The following SNX13 variants were observed in gnomAD, a reference collection of about 807,000 sequenced individuals.
SNX13 encodes sorting nexin 13.
A neutral mutation model predicts 133.6 loss-of-function variants in SNX13; 45 were observed. The ratio of observed to expected loss-of-function variants is 0.34; its 90% CI spans 0.27 to 0.43. The LOEUF is 0.43. Ranked by LOEUF, SNX13 falls within the 20% of genes least tolerant of loss-of-function variation. The probability of loss-of-function intolerance (pLI) is 1.00; values close to 1 mark genes in which losing one functional copy is unlikely to be tolerated. For synonymous variants in SNX13, 414 were observed against 373.9 expected, an observed-to-expected ratio of 1.11 and a Z score of -1.24; for missense variants, 1,032 against 1,145.1, an observed-to-expected ratio of 0.90 and a Z score of 1.43.
chr7:17,825,157 G>C (rs1787748906), intron 17 of SNX13, among the ~76,000 whole-genome samples: 1 of 152,108 alleles, frequency 6.6e-6, no homozygotes, highest in South Asian at 2.1e-4. Flanking sequence ...AAATCTGGCA[G>C]GCAACAAATG....
At chr7:17,880,725 T>G (rs1268170336) in intron 5 of SNX13, 2 of 152,246 alleles carry the variant, frequency 1.3e-5, no homozygotes, top group Non-Finnish European at 2.9e-5. Flanking sequence ...GAACTTTCAC[T>G]GCAATAGCAC....
intron 9 of SNX13, among the ~76,000 whole-genome samples, chr7:17,861,821 C>A (rs1480619314): frequency 6.6e-6 from 1 of 152,174 alleles, no homozygotes; most frequent in Non-Finnish European, 1.5e-5. Context: ...TTAAACAAGG[C>A]ACTTGACCTC....
chr7:17,803,332 G>A, intron 21 of SNX13, 87 bp downstream of exon 21: 2 of 1,241,522 alleles, frequency 1.6e-6, no homozygotes, highest in South Asian at 3.2e-5. Flanking sequence ...TAAGGTTAAG[G>A]GACTAAGGTA....
rs1215620142 is a variant in SNX13, at chr7:17,821,703, A to G, written c.1706-55T>C. On this transcript the variant is annotated intron_variant, in intron 17 of 25. Transcript: ENST00000428135. ...TATACTAATCATTTAAAACAAAATG[A>G]AGAGGAACGAAAGACACAAAAAAGG... 3.9e-6 allele frequency: 6 copies of G among 1,526,128 alleles called. No homozygotes were observed. In the African/African-American group the frequency reaches 7.0e-5, roughly 18 times the overall value. The allele number at this position is 1,526,128 out of a possible 1,614,324, so 94.5% of individuals were successfully genotyped here.
At chr7:17,902,395 T>C (rs1797934486) in intron 1 of SNX13, among the ~76,000 whole-genome samples, 1 of 152,154 alleles carries the variant, frequency 6.6e-6, no homozygotes. Flanking sequence ...ATTACAACAG[T>C]TAACTTCAAA....
intron 2 of SNX13, among the ~76,000 whole-genome samples, chr7:17,894,743 C>T (rs1381840002): frequency 6.6e-6 from 1 of 152,034 alleles, no homozygotes; most frequent in African/African-American, 2.4e-5. Flanking sequence ...AGTAATGTTA[C>T]AATGATTCAA....
intron 9 of SNX13, among the ~76,000 whole-genome samples, chr7:17,860,464 G>T (rs925060442): frequency 9.2e-5 from 14 of 152,030 alleles, no homozygotes; most frequent in Admixed American, 2.0e-4. Context: ...TTCCTTTGCT[G>T]GGCAGTTTTT....
At chr7:17,806,232 T>G (rs886766957) in intron 20 of SNX13, among the ~76,000 whole-genome samples, 2 of 152,078 alleles carry the variant, frequency 1.3e-5, no homozygotes, top group African/African-American at 4.8e-5. Context: ...CAAAACTGGA[T>G]AGAAAGATAC....
At chr7:17,888,164 C>T (rs186678748) in intron 5 of SNX13, 112 of 152,192 alleles carry the variant, frequency 7.4e-4, no homozygotes, top group African/African-American at 2.6e-3. Context: ...AGTTTTACTG[C>T]ACGCTAAGAA....
chr7:17,843,634 A>G (rs1432901008), intron 12 of SNX13, among the ~76,000 whole-genome samples: 1 of 152,058 alleles, frequency 6.6e-6, no homozygotes, highest in Non-Finnish European at 1.5e-5. Context: ...TCAGGTACAC[A>G]TGGAATATTT....
At chr7:17,882,679 G>A in intron 5 of SNX13, 1 of 491,166 alleles carries the variant, frequency 2.0e-6, no homozygotes, top group South Asian at 3.2e-5. Context: ...GAGTATGTTA[G>A]TGTGTGTTTT....
intron 1 of SNX13, among the ~76,000 whole-genome samples, chr7:17,913,812 G>A (rs1799270380): frequency 2.0e-5 from 3 of 146,746 alleles, no homozygotes; most frequent in South Asian, 2.2e-4. Flanking sequence ...CAGATGAGAA[G>A]GAACCAGCAC....
chr7:17,790,791 A>G lies in SNX13; in HGVS notation c.*3254T>C, dbSNP rs1033093426. ...GTTAATACTTTATTAGTATTTTCTA[A>G]TGGACAGAACACAAACCAAATAAAT... On this transcript the variant is annotated 3_prime_UTR_variant, in exon 26 of 26. Transcript: ENST00000428135. 3 of 152,142 alleles carry G rather than the reference A, an allele frequency of 2.0e-5. No homozygotes were observed. Among genetic ancestry groups the G allele is most frequent in the African/African-American group, 7.2e-5 (3 of 41,466 alleles). 9.4% of individuals were successfully genotyped at this position (152,142 alleles called of 1,614,324 possible). A position where few individuals can be genotyped will look rare whatever the true frequency, so the allele number is the denominator to read the frequency against.
At chr7:17,937,232 G>A (rs922707561) in intron 1 of SNX13, among the ~76,000 whole-genome samples, 13 of 151,826 alleles carry the variant, frequency 8.6e-5, no homozygotes, top group African/African-American at 2.9e-4. Flanking sequence ...ATATTTCATA[G>A]GCTCAAAGTT....
At chr7:17,817,757 T>G (rs1210972440) in intron 18 of SNX13, among the ~76,000 whole-genome samples, 1 of 152,150 alleles carries the variant, frequency 6.6e-6, no homozygotes, top group South Asian at 2.1e-4. Flanking sequence ...AAAAAAATTT[T>G]CGAAGTAAAT....
intron 12 of SNX13, 31 bp from the exon 13 acceptor site, chr7:17,840,031 T>C (rs1476988037): frequency 1.3e-6 from 2 of 1,575,826 alleles, no homozygotes; most frequent in South Asian, 2.3e-5. Flanking sequence ...ATAACATAAA[T>C]ATTAGTGTCA....
At chr7:17,851,639 C>T (rs986502811) in intron 9 of SNX13, among the ~76,000 whole-genome samples, 14 of 138,238 alleles carry the variant, frequency 1.0e-4, no homozygotes, top group African/African-American at 3.5e-4. Context: ...ACACTAACAT[C>T]GTTGGCCTGA....
At chr7:17,938,729 T>G (rs191268054) in intron 1 of SNX13, among the ~76,000 whole-genome samples, 1 of 152,204 alleles carries the variant, frequency 6.6e-6, no homozygotes, top group Non-Finnish European at 1.5e-5. Context: ...AGTAGTTCAT[T>G]TGAAAGTATT....
At chr7:17,913,047 T>C (rs986920227) in intron 1 of SNX13, among the ~76,000 whole-genome samples, 6 of 152,292 alleles carry the variant, frequency 3.9e-5, no homozygotes, top group Middle Eastern at 3.4e-3. Flanking sequence ...TCTGCTTTCA[T>C]GGACAGTTCA....
Sources: gnomAD v4.1 joint callset for allele counts (sites outside exome capture counted in the v4.1 genomes callset) on GRCh38, gnomAD v4.1.1 for gene constraint, MANE v1.5 for transcripts, NCBI Gene and HGNC (gene_info 2026-07-23, HGNC 2026-07-21) for gene names.